PCP4L1: variants seen among roughly 807,000 people sequenced by gnomAD.
The protein encoded by PCP4L1 is Purkinje cell protein 4-like protein 1.
In PCP4L1, 9 loss-of-function variants were observed where a neutral mutation model predicts 9.6. The ratio of observed to expected loss-of-function variants is 0.94; its 90% confidence interval spans 0.57 to 1.64. The LOEUF (loss-of-function observed/expected upper bound fraction) is 1.64, where lower values mean the gene tolerates loss of function less well. Among genes scored for constraint, PCP4L1 ranks in the 40% most tolerant of loss-of-function variants. The pLI is 0.00. For missense variants in PCP4L1, 81 were observed against 80.8 expected (o/e 1.00, Z -0.01); for synonymous variants, 31 against 28.2 (o/e 1.10, Z -0.31).
intron 1 of PCP4L1, among the ~76,000 whole-genome samples, chr1:161,272,186 C>CCTTT (rs538095242): frequency 6.9e-6 from 1 of 145,394 alleles, no homozygotes; most frequent in African/African-American, 2.5e-5. Flanking sequence ...GGGGTAATCC[C>CCTTT]TTTTTTTTTT....
intron 1 of PCP4L1, among the ~76,000 whole-genome samples, chr1:161,278,555 C>G (rs1571800354): frequency 6.6e-6 from 1 of 151,976 alleles, no homozygotes; most frequent in East Asian, 1.9e-4. Context: ...AGGCATGAGC[C>G]ACCACGCCCA....
chr1:161,259,691 G>A (rs531242953), intron 1 of PCP4L1, among the ~76,000 whole-genome samples: 1 of 152,266 alleles, frequency 6.6e-6, no homozygotes, highest in East Asian at 1.9e-4. Flanking sequence ...GGGAGTGGGG[G>A]GTCAAAGCAG....
At chr1:161,280,527 T>C (rs1191667261) in intron 1 of PCP4L1, among the ~76,000 whole-genome samples, 4 of 152,236 alleles carry the variant, frequency 2.6e-5, no homozygotes, top group Non-Finnish European at 5.9e-5. Context: ...GAATTCCTTC[T>C]ATATTTGCTG....
At chr1:161,277,120 T>C (rs953299751) in intron 1 of PCP4L1, among the ~76,000 whole-genome samples, 6 of 152,162 alleles carry the variant, frequency 3.9e-5, no homozygotes, top group Non-Finnish European at 8.8e-5. Context: ...ATAAATGATT[T>C]CAGCAAAGTT....
chr1:161,271,337 A>G (rs1253671799), intron 1 of PCP4L1, among the ~76,000 whole-genome samples: 1 of 152,198 alleles, frequency 6.6e-6, no homozygotes, highest in Non-Finnish European at 1.5e-5. Flanking sequence ...CGTGTCATCC[A>G]TGTATCTTCT....
At chr1:161,269,681 C>T (rs2501875) in intron 1 of PCP4L1, among the ~76,000 whole-genome samples, 68,162 of 151,886 alleles carry the variant, frequency 0.45, 15,637 homozygotes, top group African/African-American at 0.54. Context: ...AGAGGCTGAA[C>T]AATGTAGAGC....
At chr1:161,271,087 A>C (rs1669618041) in intron 1 of PCP4L1, among the ~76,000 whole-genome samples, 1 of 152,218 alleles carries the variant, frequency 6.6e-6, no homozygotes, top group South Asian at 2.1e-4. Flanking sequence ...CTCTTGGATA[A>C]ATAACTAGCA....
intron 1 of PCP4L1, among the ~76,000 whole-genome samples, chr1:161,282,098 T>C (rs549544396): frequency 3.3e-5 from 5 of 152,222 alleles, no homozygotes; most frequent in Admixed American, 6.5e-5. Context: ...CGGGGCACCA[T>C]TGAGCACTGA....
In PCP4L1 at chr1:161,274,322, G is replaced by A. The variant is rs116355773; in HGVS notation, c.10-9346G>A. Among the ~76,000 whole-genome samples, 520 of 152,114 alleles carry A rather than the reference G, an allele frequency of 3.4e-3. 4 individuals are homozygous for A. The highest frequency in any genetic ancestry group is 5.8e-3 in the South Asian group (28 of 4,802). On this transcript the variant is annotated intron_variant, in intron 1 of 2. Coordinates refer to ENST00000504449, the MANE Select transcript of PCP4L1 (RefSeq NM_001102566.2). ...AAGCTCAGTATCGAAAGGAGTAGAAGGCTAGGCACTCCAGCCTGGGTGACA... is the reference window on the plus strand; with the variant it reads ...AAGCTCAGTATCGAAAGGAGTAGAAAGCTAGGCACTCCAGCCTGGGTGACA...
At chr1:161,282,205 C>T (rs917008953) in intron 1 of PCP4L1, among the ~76,000 whole-genome samples, 5 of 146,352 alleles carry the variant, frequency 3.4e-5, no homozygotes, top group African/African-American at 5.0e-5. Flanking sequence ...ACCAACACAG[C>T]GAAACCCTGT....
rs554216668 is a variant in PCP4L1, at chr1:161,281,464, G to A, written c.10-2204G>A. Reference sequence around the variant, plus strand: ...TCCCGGACGGGGCGGCTGGCCAGGCGGAGGCGCCCCCCACCTCCCTCCCGG... The same window carrying A: ...TCCCGGACGGGGCGGCTGGCCAGGCAGAGGCGCCCCCCACCTCCCTCCCGG... On this transcript the variant is annotated intron_variant, in intron 1 of 2. Transcript: ENST00000504449. Among the ~76,000 whole-genome samples the A allele has an allele frequency of 1.2e-4, 18 of 150,600 alleles. No individual in the cohort carries two copies. In the South Asian group the frequency reaches 1.3e-3, roughly 11 times the overall value.
Position 161,258,955 on chromosome 1 carries a change from C to T in PCP4L1, c.-20C>T, listed in dbSNP as rs916787484. Reference sequence around the variant, plus strand: ...TCACCTGTGCGTGCAGCGCCTCGCGCGCCCTGTCCGGCTGCGGAGATGAGC... The same window carrying T: ...TCACCTGTGCGTGCAGCGCCTCGCGTGCCCTGTCCGGCTGCGGAGATGAGC... On this transcript the variant is annotated 5_prime_UTR_variant, in exon 1 of 3. Coordinates refer to ENST00000504449, the MANE Select transcript of PCP4L1 (RefSeq NM_001102566.2). The T allele has an allele frequency of 2.5e-5, 38 of 1,534,418 alleles. No homozygotes were observed. The highest frequency in any genetic ancestry group is 3.1e-5 in the Non-Finnish European group (35 of 1,146,028).
At chr1:161,270,265 C>G (rs1466263735) in intron 1 of PCP4L1, among the ~76,000 whole-genome samples, 3 of 151,942 alleles carry the variant, frequency 2.0e-5, no homozygotes, top group Admixed American at 1.3e-4. Flanking sequence ...CCACTGTACT[C>G]CAGCCTGGGC....
Position 161,284,502 on chromosome 1 carries a change from C to G in PCP4L1, c.*21C>G, listed in dbSNP as rs757832555. On this transcript the variant is annotated 3_prime_UTR_variant, in exon 3 of 3. Coordinates refer to ENST00000504449, the MANE Select transcript of PCP4L1 (RefSeq NM_001102566.2). ...CCTGAATGGCCAGGCTTGCCCTTCACCTTCACCTTCATGCTGGTCCCTTCT... is the reference window on the plus strand; with the variant it reads ...CCTGAATGGCCAGGCTTGCCCTTCAGCTTCACCTTCATGCTGGTCCCTTCT... 5.0e-6 allele frequency: 8 copies of G among 1,606,644 alleles called. No homozygotes were observed. In the South Asian group the frequency reaches 7.8e-5, roughly 16 times the overall value.
At chr1:161,277,260 A>C (rs915915001) in intron 1 of PCP4L1, among the ~76,000 whole-genome samples, 4 of 152,234 alleles carry the variant, frequency 2.6e-5, no homozygotes, top group African/African-American at 4.8e-5. Flanking sequence ...CACGTCTTCC[A>C]CTTAGATTCA....
chr1:161,278,932 G>A (rs1166721506), intron 1 of PCP4L1, among the ~76,000 whole-genome samples: 2 of 152,078 alleles, frequency 1.3e-5, no homozygotes, highest in African/African-American at 2.4e-5. Context: ...ACAAGTGCAC[G>A]CCACCATGCT....
intron 1 of PCP4L1, among the ~76,000 whole-genome samples, chr1:161,282,416 G>T (rs1669838576): frequency 6.8e-6 from 1 of 146,516 alleles, no homozygotes; most frequent in South Asian, 2.3e-4. Flanking sequence ...GAGGGAGAGG[G>T]AGGGGGAGGG....
chr1:161,278,614 A>G (rs189908095), intron 1 of PCP4L1, among the ~76,000 whole-genome samples: 88 of 152,034 alleles, frequency 5.8e-4, no homozygotes, highest in Middle Eastern at 6.8e-3. Context: ...CTTTAAAAAC[A>G]TGACAGACCA....
chr1:161,259,123 G>T, intron 1 of PCP4L1, 140 bp downstream of exon 1: 1 of 1,267,088 alleles, frequency 7.9e-7, no homozygotes, highest in South Asian at 1.6e-5. Flanking sequence ...TGCCCTCCTA[G>T]GAAAGCTCCC....
Sources: allele counts gnomAD v4.1 joint callset (sites outside exome capture counted in the v4.1 genomes callset), GRCh38; gene constraint gnomAD v4.1.1; transcripts MANE v1.5; gene names NCBI Gene and HGNC (gene_info 2026-07-23, HGNC 2026-07-21).